The following PTPRD variants were observed in gnomAD, a reference collection of about 807,000 sequenced individuals.
The protein encoded by PTPRD is protein tyrosine phosphatase receptor type D, also known as receptor-type tyrosine-protein phosphatase delta.
In PTPRD, 34 loss-of-function variants were observed where a neutral mutation model predicts 214.5. The observed-to-expected ratio is 0.16, with a 90% CI of 0.12 to 0.21. The LOEUF (loss-of-function observed/expected upper bound fraction) is 0.21, where lower values mean the gene tolerates loss of function less well. Among genes scored for constraint, PTPRD ranks in the 10% least tolerant of loss-of-function variants. The pLI is 1.00. For synonymous variants in PTPRD, 1,128 were observed against 845.7 expected (o/e 1.33, Z -5.79); for missense variants, 2,545 against 2,398.7 (o/e 1.06, Z -1.27).
At chr9:9,989,376 T>A (rs2095834534) in intron 4 of PTPRD, among the ~76,000 whole-genome samples, 1 of 152,030 alleles carries the variant, frequency 6.6e-6, no homozygotes, top group Non-Finnish European at 1.5e-5. Context: ...CAAGCTCCAC[T>A]GGTAGAGGAG....
chr9:9,840,887 G>T (rs2058167182), intron 5 of PTPRD, among the ~76,000 whole-genome samples: 1 of 150,684 alleles, frequency 6.6e-6, no homozygotes, highest in South Asian at 2.1e-4. Flanking sequence ...ATAAATATAA[G>T]GAGTTCAATT....
chr9:8,424,249 C>T (rs2094527176), intron 35 of PTPRD, among the ~76,000 whole-genome samples: 1 of 152,164 alleles, frequency 6.6e-6, no homozygotes, highest in South Asian at 2.1e-4. Context: ...TTAATGACAA[C>T]AAATTTTCCA....
intron 4 of PTPRD, among the ~76,000 whole-genome samples, chr9:9,947,541 A>ATTTTATATATATAAT (rs1491539386): frequency 3.9e-5 from 1 of 25,674 alleles, no homozygotes; most frequent in African/African-American, 2.2e-4. Context: ...TTTTATATAT[A>ATTTTATATATATAAT]ATATATATAT....
chr9:9,651,249 T>A (rs992474060), intron 7 of PTPRD, among the ~76,000 whole-genome samples: 7 of 152,214 alleles, frequency 4.6e-5, no homozygotes, highest in African/African-American at 1.2e-4. Context: ...ATCTTTTTTT[T>A]AAACTTTTAA....
intron 2 of PTPRD, among the ~76,000 whole-genome samples, chr9:10,401,658 C>T (rs538577488): frequency 4.2e-4 from 61 of 146,868 alleles, no homozygotes; most frequent in Admixed American, 2.6e-3. Context: ...TATAGATATA[C>T]TGTTATATCA....
chr9:10,391,909 GT>G (rs922408290), intron 2 of PTPRD, among the ~76,000 whole-genome samples: 8 of 151,758 alleles, frequency 5.3e-5, no homozygotes, highest in African/African-American at 1.9e-4. Flanking sequence ...ATTATCAAGA[GT>G]TCTTTTTCTC....
chr9:8,351,183 A>G (rs73643618), intron 39 of PTPRD, among the ~76,000 whole-genome samples: 5,172 of 152,284 alleles, frequency 0.034, 318 homozygotes, highest in African/African-American at 0.12. Context: ...AGCATCTAAG[A>G]CATTGTCAAG....
chr9:10,334,436 C>T lies in PTPRD; in HGVS notation c.-545+6527G>A, dbSNP rs555612191. Among the ~76,000 whole-genome samples, 45 of 151,150 alleles carry T rather than the reference C, an allele frequency of 3.0e-4. No individual in the cohort carries two copies. The South Asian group carries it at 8.7e-3, about 29-fold the overall frequency. On this transcript the variant is annotated intron_variant, in intron 3 of 45. Transcript: ENST00000381196. ...AAAATATCTATCCCACCCCCCACCA[C>T]CAAAAAATATAACATACTGAAAACA... is the stretch of plus-strand genomic sequence containing the variant.
intron 36 of PTPRD, among the ~76,000 whole-genome samples, chr9:8,395,875 A>G (rs1353566807): frequency 2.0e-5 from 3 of 152,060 alleles, no homozygotes; most frequent in African/African-American, 4.8e-5. Flanking sequence ...GATCAGCAAC[A>G]TGAGTTGGGG....
intron 2 of PTPRD, among the ~76,000 whole-genome samples, chr9:10,482,695 G>A (rs2099108482): frequency 6.6e-6 from 1 of 151,958 alleles, no homozygotes; most frequent in African/African-American, 2.4e-5. Context: ...ATCAAACCAA[G>A]AACCCAATCC....
In PTPRD at chr9:8,733,811, G is replaced by T; in HGVS notation, c.33C>A (p.Leu11=). 1 of 1,552,994 alleles carries T rather than the reference G, an allele frequency of 6.4e-7. No homozygotes were observed. Among genetic ancestry groups the T allele is most frequent in the Non-Finnish European group, 8.7e-7 (1 of 1,147,724 alleles). Residue 11 remains leucine (L), a synonymous_variant, in exon 12 of 46, where the codon CTC becomes CTA. Coordinates refer to ENST00000381196, the MANE Select transcript of PTPRD (RefSeq NM_002839.4). ...CATCCGTGCGGAGGAAGAAAGTGAG[G>T]AGCAGCAGCAGCAGCCTGGCTACGT... MVHVARLLLL[L]LTFFLRTDAE...
At chr9:10,462,429 C>A (rs12344789) in intron 2 of PTPRD, among the ~76,000 whole-genome samples, 32,096 of 152,008 alleles carry the variant, frequency 0.21, 3,725 homozygotes, top group Admixed American at 0.32. Flanking sequence ...GGAAAGTAAA[C>A]TAATTCACCA....
At chr9:9,590,928 C>T (rs754021592) in intron 7 of PTPRD, among the ~76,000 whole-genome samples, 19 of 151,908 alleles carry the variant, frequency 1.3e-4, no homozygotes, top group Non-Finnish European at 2.2e-4. Flanking sequence ...ACAGAAGATG[C>T]AAAGCTTTAT....
At chr9:9,426,327 G>T (rs1331950651) in intron 8 of PTPRD, among the ~76,000 whole-genome samples, 1 of 152,206 alleles carries the variant, frequency 6.6e-6, no homozygotes, top group Non-Finnish European at 1.5e-5. Flanking sequence ...AGCAGTCTGA[G>T]ATCGAACTGC....
intron 4 of PTPRD, among the ~76,000 whole-genome samples, chr9:9,956,730 T>C (rs2093959109): frequency 6.6e-6 from 1 of 152,100 alleles, no homozygotes; most frequent in East Asian, 1.9e-4. Flanking sequence ...AGTTACCTAG[T>C]AATAGAGACA....
At chr9:9,172,343 A>G (rs1252155815) in intron 10 of PTPRD, among the ~76,000 whole-genome samples, 1 of 152,174 alleles carries the variant, frequency 6.6e-6, no homozygotes, top group Non-Finnish European at 1.5e-5. Flanking sequence ...CAACAATGAC[A>G]CAGTAGCAAA....
chr9:8,597,255 C>G (rs1197718380), intron 14 of PTPRD, among the ~76,000 whole-genome samples: 3 of 151,904 alleles, frequency 2.0e-5, no homozygotes, highest in African/African-American at 7.3e-5. Context: ...TTAATAGCCT[C>G]AAAAATTGGA....
chr9:8,739,573 G>T (rs1021498177), intron 11 of PTPRD, among the ~76,000 whole-genome samples: 6 of 152,200 alleles, frequency 3.9e-5, no homozygotes, highest in African/African-American at 1.4e-4. Flanking sequence ...CAGAAAGTCA[G>T]TGTTTTTTGG....
chr9:9,074,302 T>C (rs1400682847), intron 10 of PTPRD, among the ~76,000 whole-genome samples: 1 of 151,884 alleles, frequency 6.6e-6, no homozygotes, highest in Non-Finnish European at 1.5e-5. Flanking sequence ...AGATAAGGAG[T>C]AGCACAGGGT....
Sources: allele counts gnomAD v4.1 joint callset (sites outside exome capture counted in the v4.1 genomes callset), GRCh38; gene constraint gnomAD v4.1.1; transcripts MANE v1.5; gene names NCBI Gene and HGNC (gene_info 2026-07-23, HGNC 2026-07-21).